The following B4GALNT3 variants were observed in gnomAD, a reference collection of about 807,000 sequenced individuals.
The protein encoded by B4GALNT3 is beta-1,4-N-acetyl-galactosaminyltransferase 3.
A neutral mutation model predicts 120.2 loss-of-function variants in B4GALNT3; 86 were observed. The observed-to-expected ratio is 0.72, with a 90% CI of 0.60 to 0.86. B4GALNT3 has a LOEUF of 0.86. Among genes scored for constraint, B4GALNT3 ranks in the 40% least tolerant of loss-of-function variants. The probability of loss-of-function intolerance (pLI) is 0.00; values close to 1 mark genes in which losing one functional copy is unlikely to be tolerated. For synonymous variants in B4GALNT3, 518 were observed against 510.4 expected, an observed-to-expected ratio of 1.01 and a Z score of -0.20; for missense variants, 1,167 against 1,298.9, an observed-to-expected ratio of 0.90 and a Z score of 1.56.
chr12:489,405 G>C (rs1161596890), intron 1 of B4GALNT3, among the ~76,000 whole-genome samples: 1 of 150,442 alleles, frequency 6.6e-6, no homozygotes, highest in African/African-American at 2.4e-5. Context: ...GCAATACATA[G>C]ACAATAGTAA....
At chr12:463,297 G>A (rs954226903) in intron 1 of B4GALNT3, among the ~76,000 whole-genome samples, 1 of 152,176 alleles carries the variant, frequency 6.6e-6, no homozygotes, top group Non-Finnish European at 1.5e-5. Flanking sequence ...CTTTATCTTC[G>A]TGAAATAACC....
At chr12:524,878 G>A (rs1354114415) in intron 1 of B4GALNT3, among the ~76,000 whole-genome samples, 1 of 152,164 alleles carries the variant, frequency 6.6e-6, no homozygotes, top group Non-Finnish European at 1.5e-5. Context: ...ACATTCGTTA[G>A]CTGTTGTGTT....
At chr12:487,577 G>C (rs557574105) in intron 1 of B4GALNT3, among the ~76,000 whole-genome samples, 3 of 152,158 alleles carry the variant, frequency 2.0e-5, no homozygotes, top group Non-Finnish European at 4.4e-5. Flanking sequence ...GCCCGGTGTA[G>C]TGGCGCATGC....
chr12:468,885 A>G (rs567082489), intron 1 of B4GALNT3, among the ~76,000 whole-genome samples: 290 of 152,326 alleles, frequency 1.9e-3, no homozygotes, highest in African/African-American at 6.7e-3. Context: ...TTGTGGCCAC[A>G]CGACCCAGGA....
intron 1 of B4GALNT3, among the ~76,000 whole-genome samples, chr12:515,253 T>C (rs1946640868): frequency 6.6e-6 from 1 of 152,150 alleles, no homozygotes; most frequent in African/African-American, 2.4e-5. Context: ...TGGCGCAATC[T>C]TGGCTTACTG....
intron 3 of B4GALNT3, among the ~76,000 whole-genome samples, chr12:539,286 C>T (rs1946891722): frequency 6.6e-6 from 1 of 152,162 alleles, no homozygotes; most frequent in East Asian, 1.9e-4. Context: ...ATTAACAAAC[C>T]CCAGTGCCAA....
intron 1 of B4GALNT3, among the ~76,000 whole-genome samples, chr12:477,465 G>T (rs1592013094): frequency 6.6e-6 from 1 of 152,316 alleles, no homozygotes; most frequent in Middle Eastern, 3.4e-3. Context: ...AACCTGCAAA[G>T]AAGTTATTGT....
intron 18 of B4GALNT3, 39 bp from the exon 19 acceptor site, chr12:559,256 C>T (rs762770286): frequency 1.4e-5 from 23 of 1,612,922 alleles, no homozygotes; most frequent in Non-Finnish European, 1.9e-5. Flanking sequence ...TCCTCCTGGC[C>T]TCTGGCTCAT....
intron 1 of B4GALNT3, among the ~76,000 whole-genome samples, chr12:479,214 TTA>T (rs1946212194): frequency 6.7e-6 from 1 of 149,044 alleles, no homozygotes; most frequent in Non-Finnish European, 1.5e-5. Flanking sequence ...GGCTTTTTTT[TTA>T]TTATTATTTA....
At chr12:516,402 G>T (rs1307905366) in intron 1 of B4GALNT3, among the ~76,000 whole-genome samples, 3 of 152,128 alleles carry the variant, frequency 2.0e-5, no homozygotes, top group African/African-American at 4.8e-5. Flanking sequence ...AGGGAAGTGT[G>T]TTTTAGGTAG....
chr12:462,576 C>T (rs1946031990), intron 1 of B4GALNT3, among the ~76,000 whole-genome samples: 1 of 151,966 alleles, frequency 6.6e-6, no homozygotes, highest in South Asian at 2.1e-4. Context: ...ATCCAGAAAA[C>T]TCTTCCCAGC....
At chr12:533,506 C>T (rs1468966376) in intron 1 of B4GALNT3, among the ~76,000 whole-genome samples, 4 of 152,206 alleles carry the variant, frequency 2.6e-5, no homozygotes, top group Non-Finnish European at 4.4e-5. Flanking sequence ...AGACAGATCC[C>T]CTGCTGAGGC....
rs1290944456 is a variant in B4GALNT3, at chr12:556,569, G to A, written c.2083G>A (p.Val695Met). 16 of 1,613,480 alleles carry A rather than the reference G, an allele frequency of 9.9e-6. No homozygotes were observed. The highest frequency in any genetic ancestry group is 1.3e-5 in the Non-Finnish European group (15 of 1,179,686). Residue 695 changes from valine to methionine, a missense_variant, in exon 15 of 20, where the codon GTG (valine) becomes ATG (methionine). Physicochemically the swap from Val to Met is conservative, Grantham distance 21 (BLOSUM62 1). Around this residue, in one of 3 missense-constraint regions of B4GALNT3, gnomAD observed 983 missense variants for 1,102.5 expected, o/e 0.89. Coordinates refer to ENST00000266383, the MANE Select transcript of B4GALNT3 (RefSeq NM_173593.4). ...TAGGAGGTACCAGCTACAGCGCATT[G>A]TGAACGTGGAAAAGCGTCAGGACCA... Reference protein sequence around the residue: ...SRGRYQLQRIVNVEKRQDQLR... With the variant: ...SRGRYQLQRIMNVEKRQDQLR...
chr12:469,693 C>T (rs1023161882), intron 1 of B4GALNT3, among the ~76,000 whole-genome samples: 2 of 152,136 alleles, frequency 1.3e-5, no homozygotes, highest in African/African-American at 2.4e-5. Context: ...TGTACCAGGA[C>T]ACAGAAGCAC....
intron 4 of B4GALNT3, 54 bp downstream of exon 4, chr12:544,488 CCACTTCTGTCTCT>C (rs1274590097): frequency 1.2e-5 from 17 of 1,442,126 alleles, no homozygotes; most frequent in Non-Finnish European, 1.4e-5. Context: ...CCTCCTCTGC[CCACTTCTGTCTCT>C]CATCTTTCCT....
chr12:493,263 GAACA>G (rs1375946213), intron 1 of B4GALNT3, among the ~76,000 whole-genome samples: 1 of 152,178 alleles, frequency 6.6e-6, no homozygotes, highest in African/African-American at 2.4e-5. Context: ...CAAAGCACCT[GAACA>G]GACAGTACCA....
intron 1 of B4GALNT3, among the ~76,000 whole-genome samples, chr12:532,985 C>T (rs1275721069): frequency 6.6e-6 from 1 of 152,316 alleles, no homozygotes; most frequent in South Asian, 2.1e-4. Context: ...GGCAGCATTT[C>T]GTGGGTATTT....
At chr12:557,581 C>T (rs1947172871) in intron 15 of B4GALNT3, 27 bp from the exon 16 acceptor site, 2 of 1,593,306 alleles carry the variant, frequency 1.3e-6, no homozygotes, top group Middle Eastern at 1.8e-4. Context: ...TCTGTGTTTC[C>T]TTCTCCTGCC....
intron 1 of B4GALNT3, among the ~76,000 whole-genome samples, chr12:529,420 T>G (rs981289260): frequency 2.6e-5 from 4 of 152,166 alleles, no homozygotes; most frequent in African/African-American, 9.7e-5. Flanking sequence ...CCCAGTTACA[T>G]CTGTAGGCGG....
Sources: allele counts gnomAD v4.1 joint callset (sites outside exome capture counted in the v4.1 genomes callset), GRCh38; gene constraint gnomAD v4.1.1; regional missense constraint gnomAD v4.1.1; transcripts MANE v1.5; gene names NCBI Gene and HGNC (gene_info 2026-07-23, HGNC 2026-07-21).